The following MAP2K6 variants were observed in gnomAD, a reference collection of about 807,000 sequenced individuals.
MAP2K6 encodes mitogen-activated protein kinase kinase 6, also known as dual specificity mitogen-activated protein kinase kinase 6.
A neutral mutation model predicts 53.7 loss-of-function variants in MAP2K6; 16 were observed. The ratio of observed to expected loss-of-function variants is 0.30; its 90% CI spans 0.20 to 0.45. The LOEUF is 0.45. Ranked by LOEUF, MAP2K6 falls within the 20% of genes least tolerant of loss-of-function variation. The pLI is 1.00. For synonymous variants in MAP2K6, 132 were observed against 143.1 expected (o/e 0.92, Z 0.55); for missense variants, 204 against 411.9 (o/e 0.50, Z 4.37).
chr17:69,421,865 T>G (rs1366684058), intron 1 of MAP2K6, among the ~76,000 whole-genome samples: 1 of 151,900 alleles, frequency 6.6e-6, no homozygotes, highest in Non-Finnish European at 1.5e-5. Context: ...TTTTAACAGC[T>G]GGCTGCCCTC....
At chr17:69,493,616 C>G (rs1370036615) in intron 1 of MAP2K6, among the ~76,000 whole-genome samples, 1 of 152,084 alleles carries the variant, frequency 6.6e-6, no homozygotes. Flanking sequence ...CAAAAATAAG[C>G]TGGGCATGGT....
chr17:69,428,973 T>G (rs375267635), intron 1 of MAP2K6, among the ~76,000 whole-genome samples: 1 of 150,418 alleles, frequency 6.6e-6, no homozygotes, highest in East Asian at 1.9e-4. Context: ...GTTGTATTGA[T>G]TCCCAAAACT....
At chr17:69,417,511 T>A (rs1905943328) in intron 1 of MAP2K6, among the ~76,000 whole-genome samples, 1 of 152,250 alleles carries the variant, frequency 6.6e-6, no homozygotes, top group African/African-American at 2.4e-5. Context: ...CGAGAAAGAA[T>A]TTCTTAAAAA....
chr17:69,493,351 G>A (rs537992020), intron 1 of MAP2K6, among the ~76,000 whole-genome samples: 1 of 151,848 alleles, frequency 6.6e-6, no homozygotes, highest in Non-Finnish European at 1.5e-5. Context: ...TACAAAAGGG[G>A]CAATGCCTTC....
At chr17:69,437,831 A>G (rs577589651) in intron 1 of MAP2K6, among the ~76,000 whole-genome samples, 11 of 152,358 alleles carry the variant, frequency 7.2e-5, no homozygotes, top group South Asian at 6.2e-4. Context: ...GAATTATACA[A>G]TGTATGGCCT....
chr17:69,416,859 T>A (rs74798376), intron 1 of MAP2K6, among the ~76,000 whole-genome samples: 1 of 152,198 alleles, frequency 6.6e-6, no homozygotes, highest in Non-Finnish European at 1.5e-5. Flanking sequence ...CTTTGGACTT[T>A]AGGGTCTAAA....
At chr17:69,506,473 A>G (rs12940170) in intron 2 of MAP2K6, among the ~76,000 whole-genome samples, 22,239 of 150,764 alleles carry the variant, frequency 0.15, 1,789 homozygotes, top group Middle Eastern at 0.22. Context: ...CTTCCTGTCC[A>G]GCTGGAGGTA....
intron 1 of MAP2K6, among the ~76,000 whole-genome samples, chr17:69,491,909 G>A (rs914127277): frequency 6.6e-6 from 1 of 151,688 alleles, no homozygotes; most frequent in African/African-American, 2.4e-5. Flanking sequence ...TTAATGATCA[G>A]TGATGAGCTT....
intron 1 of MAP2K6, among the ~76,000 whole-genome samples, chr17:69,429,599 C>T (rs574323120): frequency 9.2e-5 from 14 of 152,244 alleles, no homozygotes; most frequent in African/African-American, 2.6e-4. Context: ...GTGTATATTT[C>T]CTAGAGCTAA....
At chr17:69,464,445 G>A (rs1212794608) in intron 1 of MAP2K6, among the ~76,000 whole-genome samples, 2 of 152,082 alleles carry the variant, frequency 1.3e-5, no homozygotes, top group Non-Finnish European at 2.9e-5. Context: ...GCAGAGGCAC[G>A]ATTTCAGCTC....
chr17:69,484,320 C>T (rs368340372), intron 1 of MAP2K6, among the ~76,000 whole-genome samples: 12 of 151,346 alleles, frequency 7.9e-5, no homozygotes, highest in African/African-American at 2.2e-4. Context: ...CCAATAAATA[C>T]GTAAAATTAT....
intron 1 of MAP2K6, among the ~76,000 whole-genome samples, chr17:69,452,049 A>G (rs1221027715): frequency 1.3e-5 from 2 of 152,130 alleles, no homozygotes; most frequent in Non-Finnish European, 2.9e-5. Flanking sequence ...TGGAGGCAGT[A>G]GGAATGCGGC....
At chr17:69,509,666 T>C (rs1375946022) in intron 2 of MAP2K6, among the ~76,000 whole-genome samples, 1 of 152,152 alleles carries the variant, frequency 6.6e-6, no homozygotes, top group Non-Finnish European at 1.5e-5. Context: ...CCTAGGTTAA[T>C]AAAGTTCATG....
intron 1 of MAP2K6, among the ~76,000 whole-genome samples, chr17:69,479,644 CT>C (rs1260786727): frequency 6.6e-6 from 1 of 151,668 alleles, no homozygotes; most frequent in East Asian, 1.9e-4. Context: ...GACTTGGAGG[CT>C]TATGTCACTG....
At position 69,498,650 on chromosome 17, in the gene MAP2K6, C is replaced by CCACACA. The variant is rs3222089; in HGVS notation, c.17-7100_17-7095dup. ...GAAGCCACACACACACACCTGGAAG[C>CCACACA]CACACACACACACACACACACACAC... On this transcript the variant is annotated intron_variant, in intron 1 of 11. Transcript: ENST00000590474. Among the ~76,000 whole-genome samples the CCACACA allele has an allele frequency of 4.7e-3, 687 of 145,514 alleles. 5 individuals carry two copies. Among genetic ancestry groups the CCACACA allele is most frequent in the African/African-American group, 0.012 (452 of 39,076 alleles).
intron 1 of MAP2K6, among the ~76,000 whole-genome samples, chr17:69,486,200 G>A (rs1908530352): frequency 6.6e-6 from 1 of 152,178 alleles, no homozygotes; most frequent in African/African-American, 2.4e-5. Flanking sequence ...CCCAACGACT[G>A]TAATTAGACT....
chr17:69,528,933 G>T (rs1598314131), intron 10 of MAP2K6, among the ~76,000 whole-genome samples: 1 of 151,432 alleles, frequency 6.6e-6, no homozygotes, highest in Admixed American at 6.6e-5. Flanking sequence ...CTCAAGAGGG[G>T]TGGTAATGGG....
In MAP2K6 at chr17:69,532,422, C is replaced by T. The variant is rs149490721; in HGVS notation, c.882-3693C>T. On this transcript the variant is annotated intron_variant, in intron 10 of 11. Transcript: ENST00000590474. ...TTTTAGTGTCAGCTATGGTCAGAAG[C>T]GTGTGTTGTGGCATTTGGAAAAGGA... Among the ~76,000 whole-genome samples, 670 of 152,200 alleles carry T rather than the reference C, an allele frequency of 4.4e-3. 5 individuals are homozygous for T. Among genetic ancestry groups the T allele is most frequent in the African/African-American group, 0.015 (621 of 41,508 alleles).
At chr17:69,448,411 T>C (rs1469271165) in intron 1 of MAP2K6, among the ~76,000 whole-genome samples, 1 of 152,150 alleles carries the variant, frequency 6.6e-6, no homozygotes, top group Non-Finnish European at 1.5e-5. Context: ...TTGTCTGCAG[T>C]GCATGGAGAG....
Sources: allele counts gnomAD v4.1 joint callset (sites outside exome capture counted in the v4.1 genomes callset), GRCh38; gene constraint gnomAD v4.1.1; transcripts MANE v1.5; gene names NCBI Gene and HGNC (gene_info 2026-07-23, HGNC 2026-07-21).